The following SLC48A1 variants were observed in gnomAD, a reference collection of about 807,000 sequenced individuals.
SLC48A1 encodes solute carrier family 48 member 1, also known as heme transporter HRG1.
Under a neutral mutation model 14.8 loss-of-function variants are expected in SLC48A1, and 6 were observed. The ratio of observed to expected loss-of-function variants is 0.41; its 90% CI spans 0.22 to 0.80. The LOEUF is 0.80. SLC48A1 is among the 30% of genes least tolerant of loss of function. The pLI is 0.34. For synonymous variants in SLC48A1, 89 were observed against 90.0 expected (o/e 0.99, Z 0.06); for missense variants, 165 against 204.8 (o/e 0.81, Z 1.19).
chr12:47,765,040 G>A, intron 2 of SLC48A1, among the ~76,000 whole-genome samples: 1 of 119,916 alleles, frequency 8.3e-6, no homozygotes, highest in African/African-American at 3.3e-5. Context: ...TCGCACCACT[G>A]CACTCCAGCC....
chr12:47,769,707 T>C (rs1205099118), upstream of SLC48A1: 2 of 152,198 alleles, frequency 1.3e-5, no homozygotes, highest in Non-Finnish European at 2.9e-5. Context: ...TCTCAATATA[T>C]CTCGATCTTT....
rs753011497 is a variant in SLC48A1, at chr12:47,780,813, C to T, written c.*532C>T. Reference sequence around the variant, plus strand: ...AACTCCTGATCTCAGGTGATTCACCCGCCTCAGCCTTCCAAAGTGCTGGGA... The same window carrying T: ...AACTCCTGATCTCAGGTGATTCACCTGCCTCAGCCTTCCAAAGTGCTGGGA... On this transcript the variant is annotated 3_prime_UTR_variant, in exon 3 of 3. Transcript: ENST00000442218. 2.3e-5 allele frequency: 11 copies of T among 485,744 alleles called. No individual in the cohort carries two copies. The highest frequency in any genetic ancestry group is 1.7e-4 in the East Asian group (3 of 17,170). 30.1% of individuals were successfully genotyped at this position (485,744 alleles called of 1,614,324 possible).
upstream of SLC48A1, chr12:47,771,038 G>A (rs1942619642): frequency 4.8e-6 from 2 of 418,534 alleles, no homozygotes; most frequent in African/African-American, 2.0e-5. Flanking sequence ...AGCTCCTAAA[G>A]GAGGGCTGCT....
chr12:47,780,215 G>A lies in SLC48A1; in HGVS notation c.375G>A (p.Leu125=). The change falls in exon 3 of 3, where the codon CTG becomes CTA. Residue 125 remains leucine (L), a synonymous_variant. Coordinates refer to ENST00000442218, the MANE Select transcript of SLC48A1 (RefSeq NM_017842.3). ...TCATTTCCTTCAAGTGGGCCTTCCT[G>A]CTCAGCCTCTATGCCCACCGCTACC... ...WSFISFKWAF[L]LSLYAHRYRA... 1.2e-6 allele frequency: 2 copies of A among 1,614,168 alleles called. No individual in the cohort carries two copies. Among genetic ancestry groups the A allele is most frequent in the Non-Finnish European group, 1.7e-6 (2 of 1,180,024 alleles).
chr12:47,779,992 A>G (rs1942831977), intron 2 of SLC48A1, among the ~76,000 whole-genome samples, 153 bp from the exon 3 acceptor site: 1 of 152,208 alleles, frequency 6.6e-6, no homozygotes, highest in Non-Finnish European at 1.5e-5. Flanking sequence ...CATGGCTCTA[A>G]AACCTCCATC....
chr12:47,781,577 C>T lies in SLC48A1; in HGVS notation c.*1296C>T, dbSNP rs912338004. 1 of 153,008 alleles carries T rather than the reference C, an allele frequency of 6.5e-6. No homozygotes were observed. Among genetic ancestry groups the T allele is most frequent in the African/African-American group, 2.4e-5 (1 of 41,468 alleles). The allele number at this position is 153,008 out of a possible 1,614,324, so 9.5% of individuals were successfully genotyped here. ...CTGTTAGACTGCCATTTTGCACGGT[C>T]TCCCCCTTCCCATCTGATGTGTCCT... On this transcript the variant is annotated 3_prime_UTR_variant, in exon 3 of 3. Transcript: ENST00000442218.
At chr12:47,756,650 T>C (rs1942070897), upstream of SLC48A1, among the ~76,000 whole-genome samples, 1 of 152,134 alleles carries the variant, frequency 6.6e-6, no homozygotes. Flanking sequence ...GTGGTGGTTA[T>C]TCCACTCAAA....
chr12:47,767,357 A>G (rs780980322), upstream of SLC48A1, among the ~76,000 whole-genome samples: 2 of 152,222 alleles, frequency 1.3e-5, no homozygotes, highest in Non-Finnish European at 2.9e-5. Flanking sequence ...AGAATTATTT[A>G]TGGACATTCA....
Position 47,781,225 on chromosome 12 carries a change from G to A in SLC48A1, c.*944G>A, listed in dbSNP as rs760794110. ...CTTCCCAAATGAGGCCAGACTCAGGGTCACGGGGAATGTGCTTCTGCCCCT... is the reference window on the plus strand; with the variant it reads ...CTTCCCAAATGAGGCCAGACTCAGGATCACGGGGAATGTGCTTCTGCCCCT... On this transcript the variant is annotated 3_prime_UTR_variant, in exon 3 of 3. Coordinates refer to ENST00000442218, the MANE Select transcript of SLC48A1 (RefSeq NM_017842.3). The A allele has an allele frequency of 4.5e-6, 1 of 222,644 alleles. No individual in the cohort carries two copies. The highest frequency in any genetic ancestry group is 9.2e-6 in the Non-Finnish European group (1 of 109,098). The allele number at this position is 222,644 out of a possible 1,614,324, so 13.8% of individuals were successfully genotyped here.
At chr12:47,758,489 C>A (rs1942238044), upstream of SLC48A1, 1 of 1,596,966 alleles carries the variant, frequency 6.3e-7, no homozygotes, top group Non-Finnish European at 8.6e-7. Context: ...AACTCCCCAC[C>A]GTGTCAGCTT....
chr12:47,774,950 C>T lies in SLC48A1; in HGVS notation c.136+1510C>T, dbSNP rs73304436. 3.6e-3 allele frequency among the ~76,000 whole-genome samples: 554 copies of T among 152,290 alleles called. 5 individuals carry two copies. The highest frequency in any genetic ancestry group is 0.012 in the African/African-American group (504 of 41,544). On this transcript the variant is annotated intron_variant, in intron 1 of 2. Transcript: ENST00000442218. ...TGTTGCTTTCCCCTCTGGAAGGCGG[C>T]GTCAGAGCCCTATGATTGCATTGCG...
upstream of SLC48A1, among the ~76,000 whole-genome samples, chr12:47,756,830 G>T (rs1034272830): frequency 2.6e-5 from 4 of 152,088 alleles, no homozygotes; most frequent in African/African-American, 9.7e-5. Flanking sequence ...TTAGCTGGGC[G>T]TGGTGGCGCA....
intron 1 of SLC48A1, 107 bp from the exon 2 acceptor site, chr12:47,778,921 G>T: frequency 7.8e-7 from 1 of 1,280,982 alleles, no homozygotes; most frequent in South Asian, 1.6e-5. Context: ...GAGGGAATGA[G>T]AGACAAGACC....
In SLC48A1 at chr12:47,780,205, G is replaced by T; in HGVS notation, c.365G>T (p.Trp122Leu). The T allele has an allele frequency of 3.1e-6, 5 of 1,614,042 alleles. No individual in the cohort carries two copies. Among genetic ancestry groups the T allele is most frequent in the Non-Finnish European group, 4.2e-6 (5 of 1,179,942 alleles). Reference protein sequence around the residue: ...SSVWSFISFKWAFLLSLYAHR... With the variant: ...SSVWSFISFKLAFLLSLYAHR... ...GTCTGGAGCTTCATTTCCTTCAAGT[G>T]GGCCTTCCTGCTCAGCCTCTATGCC... Residue 122 changes from tryptophan to leucine, a missense_variant, in exon 3 of 3, where the codon TGG (tryptophan) becomes TTG (leucine). Transcript: ENST00000442218.
At chr12:47,764,743 G>A (rs1942474089) in intron 2 of SLC48A1, among the ~76,000 whole-genome samples, 1 of 152,174 alleles carries the variant, frequency 6.6e-6, no homozygotes, top group Non-Finnish European at 1.5e-5. Flanking sequence ...AGTTTTCCTG[G>A]CATCAGATCT....
intron 2 of SLC48A1, chr12:47,760,548 C>CAGAG: frequency 1.9e-5 from 5 of 269,324 alleles, no homozygotes; most frequent in Non-Finnish European, 2.8e-5. Context: ...TCTTGCTGCC[C>CAGAG]TTACTCTGGG....
chr12:47,779,687 G>A (rs1022022698), intron 2 of SLC48A1, among the ~76,000 whole-genome samples: 2 of 152,146 alleles, frequency 1.3e-5, no homozygotes, highest in African/African-American at 4.8e-5. Context: ...CCCCAGCTCC[G>A]TTCTACTGTT....
In SLC48A1 at chr12:47,779,184, C is replaced by G. The variant is rs368470521; in HGVS notation, c.293C>G (p.Thr98Ser). 6.0e-4 allele frequency: 930 copies of G among 1,551,524 alleles called. No homozygotes were observed. The highest frequency in any genetic ancestry group is 7.7e-4 in the Non-Finnish European group (883 of 1,146,904). ...AFCTFLVLAI[T>S]RHQSLTDPTS... ...TGCACCTTCCTCGTGCTGGCCATCA[C>G]CCGGCATCAGAGTGAGGGCGGGTCC... The change falls in exon 2 of 3, where the codon ACC (threonine) becomes AGC (serine). Residue 98 changes from threonine (T) to serine (S), a missense_variant. Thr to Ser is a moderately conservative substitution (Grantham distance 58). Coordinates refer to ENST00000442218, the MANE Select transcript of SLC48A1 (RefSeq NM_017842.3).
At chr12:47,757,936 C>T (rs555142030), upstream of SLC48A1, 10 of 1,557,494 alleles carry the variant, frequency 6.4e-6, no homozygotes, top group Admixed American at 3.9e-5. Flanking sequence ...GCTTCGGGGC[C>T]GGTGCATCCT....
Sources: gnomAD v4.1 joint callset for allele counts (sites outside exome capture counted in the v4.1 genomes callset) on GRCh38, gnomAD v4.1.1 for gene constraint, MANE v1.5 for transcripts, NCBI Gene and HGNC (gene_info 2026-07-23, HGNC 2026-07-21) for gene names.